GYS2: variants seen among roughly 807,000 people sequenced by gnomAD.
The protein encoded by GYS2 is glycogen [starch] synthase, liver.
Under a neutral mutation model 85.6 loss-of-function variants are expected in GYS2, and 80 were observed. That is an observed-to-expected ratio of 0.93 (90% CI 0.78 to 1.13). GYS2 has a LOEUF of 1.13. Ranked by LOEUF, GYS2 falls within the 50% of genes most tolerant of loss-of-function variation. The pLI is 0.00. For missense variants in GYS2, 881 were observed against 854.9 expected, an observed-to-expected ratio of 1.03 and a Z score of -0.38; for synonymous variants, 328 against 300.7, an observed-to-expected ratio of 1.09 and a Z score of -0.94.
At chr12:21,577,537 A>G (rs530652862) in intron 2 of GYS2, among the ~76,000 whole-genome samples, 4 of 152,258 alleles carry the variant, frequency 2.6e-5, no homozygotes, top group African/African-American at 9.6e-5. Flanking sequence ...CCTTTCTAAC[A>G]TTTCATTTAT....
intron 15 of GYS2, among the ~76,000 whole-genome samples, chr12:21,537,533 G>T (rs1048526933): frequency 6.6e-6 from 1 of 152,150 alleles, no homozygotes; most frequent in South Asian, 2.1e-4. Context: ...GTAGAGCAAA[G>T]ATTTGTACCA....
chr12:21,565,006 T>A (rs1944300922), intron 5 of GYS2, among the ~76,000 whole-genome samples: 1 of 152,100 alleles, frequency 6.6e-6, no homozygotes, highest in Admixed American at 6.6e-5. Context: ...AAGGCAAGAA[T>A]GTATGTGGAT....
At chr12:21,597,779 C>T (rs1944712845) in intron 1 of GYS2, among the ~76,000 whole-genome samples, 1 of 152,068 alleles carries the variant, frequency 6.6e-6, no homozygotes, top group Non-Finnish European at 1.5e-5. Flanking sequence ...TTCACATTAG[C>T]AAAGATATGG....
intron 1 of GYS2, among the ~76,000 whole-genome samples, chr12:21,598,382 G>A (rs1039952674): frequency 6.6e-6 from 1 of 152,036 alleles, no homozygotes; most frequent in Non-Finnish European, 1.5e-5. Flanking sequence ...CTGATTGTAA[G>A]TAAATCTTTG....
chr12:21,573,939 C>T (rs1944414569), intron 4 of GYS2, among the ~76,000 whole-genome samples: 1 of 152,198 alleles, frequency 6.6e-6, no homozygotes, highest in Non-Finnish European at 1.5e-5. Context: ...GGCCTCTCAC[C>T]TCTATACTCT....
intron 11 of GYS2, among the ~76,000 whole-genome samples, chr12:21,549,548 A>ATG (rs1439345201): frequency 6.6e-6 from 1 of 152,218 alleles, no homozygotes; most frequent in African/African-American, 2.4e-5. Flanking sequence ...AGAATTACAT[A>ATG]TTACATTTAG....
chr12:21,596,787 A>G (rs1944701688), intron 1 of GYS2, among the ~76,000 whole-genome samples: 2 of 152,186 alleles, frequency 1.3e-5, no homozygotes, highest in African/African-American at 4.8e-5. Flanking sequence ...GGGCATTCAA[A>G]TCAGTAAAGA....
chr12:21,588,468 C>T (rs1285175350), intron 1 of GYS2, among the ~76,000 whole-genome samples: 1 of 152,182 alleles, frequency 6.6e-6, no homozygotes, highest in African/African-American at 2.4e-5. Flanking sequence ...CAATAGGATT[C>T]ATTAATTTAT....
In GYS2 at chr12:21,590,437, T is replaced by C. The variant is rs1028056641; in HGVS notation, c.122-9914A>G. Among the ~76,000 whole-genome samples, 5 of 152,274 alleles carry C rather than the reference T, an allele frequency of 3.3e-5. No homozygotes were observed. The East Asian group carries it at 9.7e-4, about 29-fold the overall frequency. ...ATGATGGGCCTACCCAATCTGCCAC[T>C]GCCATCACAACTGGCACCTCCTGCA... On this transcript the variant is annotated intron_variant, in intron 1 of 15. Transcript: ENST00000261195.
At chr12:21,544,435 G>A (rs1022241478) in intron 12 of GYS2, among the ~76,000 whole-genome samples, 8 of 152,294 alleles carry the variant, frequency 5.3e-5, no homozygotes, top group African/African-American at 1.7e-4. Context: ...TGGACAGTCA[G>A]CTGTTAGTTC....
chr12:21,535,378 G>A (rs764016121), downstream of GYS2, among the ~76,000 whole-genome samples: 1 of 152,116 alleles, frequency 6.6e-6, no homozygotes, highest in Non-Finnish European at 1.5e-5. Flanking sequence ...TTCAGGGAAT[G>A]AGCCTATAAT....
intron 2 of GYS2, among the ~76,000 whole-genome samples, chr12:21,576,553 CAA>C (rs981493202): frequency 1.3e-5 from 2 of 151,766 alleles, no homozygotes; most frequent in Non-Finnish European, 2.9e-5. Flanking sequence ...CTATTCCTAT[CAA>C]AAGAAGTGAT....
At chr12:21,600,295 T>A (rs1253916835) in intron 1 of GYS2, among the ~76,000 whole-genome samples, 1 of 152,016 alleles carries the variant, frequency 6.6e-6, no homozygotes, top group East Asian at 1.9e-4. Flanking sequence ...GCTAGAGAAA[T>A]TTTTTAAATT....
chr12:21,570,915 T>G (rs1369469028), intron 4 of GYS2, among the ~76,000 whole-genome samples: 1 of 152,234 alleles, frequency 6.6e-6, no homozygotes, highest in Non-Finnish European at 1.5e-5. Flanking sequence ...CATTGAGTAT[T>G]TTGTGAATTT....
chr12:21,565,181 C>T (rs963475252), intron 5 of GYS2, among the ~76,000 whole-genome samples: 5 of 151,668 alleles, frequency 3.3e-5, no homozygotes, highest in Admixed American at 2.0e-4. Context: ...CTCACATGCA[C>T]AGGCCTATGT....
intron 1 of GYS2, among the ~76,000 whole-genome samples, chr12:21,598,863 C>T (rs1176396644): frequency 6.6e-6 from 1 of 152,048 alleles, no homozygotes; most frequent in Non-Finnish European, 1.5e-5. Flanking sequence ...CCTGGAACAA[C>T]ATGGGGGCTA....
chr12:21,575,809 G>C (rs973441105), intron 3 of GYS2, 57 bp downstream of exon 3: 1 of 1,273,250 alleles, frequency 7.9e-7, no homozygotes, highest in African/African-American at 1.5e-5. Flanking sequence ...GATCATTCTT[G>C]GGCACTGAAA....
At chr12:21,598,541 G>C (rs1406244780) in intron 1 of GYS2, among the ~76,000 whole-genome samples, 2 of 151,858 alleles carry the variant, frequency 1.3e-5, no homozygotes, top group Non-Finnish European at 2.9e-5. Context: ...TTGTGCTATA[G>C]TTTACCTCAG....
downstream of GYS2, among the ~76,000 whole-genome samples, chr12:21,534,683 A>G (rs1283403353): frequency 6.6e-6 from 1 of 152,212 alleles, no homozygotes. Flanking sequence ...ATCCAAACAT[A>G]ATCCCATTGT....
Sources: allele counts gnomAD v4.1 joint callset (sites outside exome capture counted in the v4.1 genomes callset), GRCh38; gene constraint gnomAD v4.1.1; transcripts MANE v1.5; gene names NCBI Gene and HGNC (gene_info 2026-07-23, HGNC 2026-07-21).